Variants in HERC3 observed in about 807,000 individuals in gnomAD.
HERC3 encodes the protein probable E3 ubiquitin-protein ligase HERC3.
Under a neutral mutation model 129.9 loss-of-function variants are expected in HERC3, and 58 were observed. The ratio of observed to expected loss-of-function variants is 0.45; its 90% CI spans 0.36 to 0.56. HERC3 has a LOEUF of 0.56. Ranked by LOEUF, HERC3 falls within the 20% of genes least tolerant of loss-of-function variation. HERC3 has a pLI of 0.00. For synonymous variants in HERC3, 430 were observed against 451.0 expected, an observed-to-expected ratio of 0.95 and a Z score of 0.59; for missense variants, 835 against 1,244.2, an observed-to-expected ratio of 0.67 and a Z score of 4.95.
chr4:88,564,874 C>T, the HERC3 span, among the ~76,000 whole-genome samples: 1 of 151,660 alleles, frequency 6.6e-6, no homozygotes, highest in Non-Finnish European at 1.5e-5. Context: ...ATAAATTTTC[C>T]TCTTAGTACT....
At chr4:88,632,233 A>G (rs1416820852) in intron 3 of HERC3, among the ~76,000 whole-genome samples, 1 of 152,214 alleles carries the variant, frequency 6.6e-6, no homozygotes, top group African/African-American at 2.4e-5. Flanking sequence ...TGAGAGCTGA[A>G]CTAATAGATA....
rs1456801662 is a variant in HERC3, at chr4:88,698,611, C to G, written c.2658-5487C>G. Among the ~76,000 whole-genome samples, 13 of 103,928 alleles carry G rather than the reference C, an allele frequency of 1.3e-4. No individual in the cohort carries two copies. The Admixed American group carries it at 1.3e-3, about 11-fold the overall frequency. The allele number at this position is 103,928 out of a possible 152,430, so 68.2% of individuals were successfully genotyped here. On this transcript the variant is annotated intron_variant, in intron 23 of 25. Coordinates refer to ENST00000402738, the MANE Select transcript of HERC3 (RefSeq NM_014606.3). The stretch of plus-strand genomic sequence containing the variant: ...AGCATGGGGCCCAGGGCCAAGGCCC[C>G]CTCTTATCTTGGTTAAAGCATGTGC...
At chr4:88,664,298 G>A (rs1439405267) in intron 12 of HERC3, 86 bp downstream of exon 12, 5 of 1,122,686 alleles carry the variant, frequency 4.5e-6, no homozygotes, top group African/African-American at 3.1e-5. Flanking sequence ...GATTGCTTGA[G>A]TTTAGGAGTT....
upstream of HERC3, among the ~76,000 whole-genome samples, chr4:88,590,071 C>T (rs1021748441): frequency 1.3e-5 from 2 of 148,904 alleles, no homozygotes; most frequent in South Asian, 4.3e-4. Flanking sequence ...AGTTCTAAAC[C>T]GGCCTGGCCA....
intron 3 of HERC3, among the ~76,000 whole-genome samples, chr4:88,623,697 C>T (rs1487047537): frequency 2.0e-5 from 3 of 152,166 alleles, no homozygotes; most frequent in Non-Finnish European, 1.5e-5. Context: ...TGCAGAACCA[C>T]ATGTTATTTA....
intron 23 of HERC3, among the ~76,000 whole-genome samples, chr4:88,698,145 C>A (rs1190481361): frequency 6.6e-6 from 1 of 152,118 alleles, no homozygotes; most frequent in Non-Finnish European, 1.5e-5. Context: ...TGCTCCTCAC[C>A]CCCATCCAGG....
intron 3 of HERC3, among the ~76,000 whole-genome samples, chr4:88,636,970 A>T (rs1727482094): frequency 6.6e-6 from 1 of 152,086 alleles, no homozygotes; most frequent in Non-Finnish European, 1.5e-5. Flanking sequence ...TCTCTACTAA[A>T]ATACAAAAAT....
At chr4:88,547,498 C>G in the HERC3 span, among the ~76,000 whole-genome samples, 8 of 152,180 alleles carry the variant, frequency 5.3e-5, no homozygotes, top group African/African-American at 1.7e-4. Context: ...CTTATTAGCA[C>G]TTACTCCCTA....
intron 3 of HERC3, among the ~76,000 whole-genome samples, chr4:88,622,776 A>C (rs1037921664): frequency 1.3e-5 from 2 of 152,006 alleles, no homozygotes; most frequent in African/African-American, 4.8e-5. Context: ...TAAAAATACA[A>C]AAATTAGCTG....
At position 88,637,022 on chromosome 4, in the gene HERC3, G is replaced by A. The variant is rs955253888; in HGVS notation, c.227-12818G>A. On this transcript the variant is annotated intron_variant, in intron 3 of 25. Coordinates refer to ENST00000402738, the MANE Select transcript of HERC3 (RefSeq NM_014606.3). ...TGTGCGCCTGTAGTCCCAGCTACTC[G>A]GGAGGCTGAGGTAGGAGAATTGCTT... Among the ~76,000 whole-genome samples, 33 of 151,836 alleles carry A rather than the reference G, an allele frequency of 2.2e-4. 1 individual carries two copies. The highest frequency in any genetic ancestry group is 2.0e-3 in the Admixed American group (30 of 15,262).
intron 3 of HERC3, among the ~76,000 whole-genome samples, chr4:88,649,143 G>A (rs949520851): frequency 1.3e-5 from 2 of 152,090 alleles, no homozygotes; most frequent in African/African-American, 4.8e-5. Flanking sequence ...CTCACACATA[G>A]GGTGATCCTT....
At chr4:88,544,934 G>A in the HERC3 span, among the ~76,000 whole-genome samples, 1 of 152,240 alleles carries the variant, frequency 6.6e-6, no homozygotes, top group East Asian at 1.9e-4. Flanking sequence ...ATAGCATTAG[G>A]AGAAATACCT....
In HERC3 at chr4:88,684,461, T is replaced by C. The variant is rs538620550; in HGVS notation, c.2508-2275T>C. On this transcript the variant is annotated intron_variant, in intron 21 of 25. Coordinates refer to ENST00000402738, the MANE Select transcript of HERC3 (RefSeq NM_014606.3). ...CCCTTCCTTACACCTTATACAAAAATTAACTCAAGATGGATTAAAGACTTA... is the reference window on the plus strand; with the variant it reads ...CCCTTCCTTACACCTTATACAAAAACTAACTCAAGATGGATTAAAGACTTA... Among the ~76,000 whole-genome samples the C allele has an allele frequency of 5.9e-5, 9 of 152,192 alleles. No individual in the cohort carries two copies. The South Asian group carries it at 1.2e-3, about 21-fold the overall frequency.
chr4:88,605,682 T>C (rs1286299581), intron 2 of HERC3, 113 bp from the exon 3 acceptor site: 5 of 593,454 alleles, frequency 8.4e-6, no homozygotes, highest in Non-Finnish European at 1.5e-5. Context: ...TTGTAAGATA[T>C]CTGAAGAATA....
chr4:88,634,112 C>T (rs1560699320), intron 3 of HERC3, among the ~76,000 whole-genome samples: 1 of 151,238 alleles, frequency 6.6e-6, no homozygotes, highest in Non-Finnish European at 1.5e-5. Context: ...GGCGGCCCAC[C>T]TGAGAGCCAC....
chr4:88,621,081 T>C (rs1328718974), intron 3 of HERC3, among the ~76,000 whole-genome samples: 4 of 152,168 alleles, frequency 2.6e-5, no homozygotes, highest in Admixed American at 2.6e-4. Context: ...ACCTAGAACA[T>C]TGTGTGGCAC....
At position 88,687,113 on chromosome 4, in the gene HERC3, C is replaced by T. The variant is rs371135826; in HGVS notation, c.2575-104C>T. 17 of 806,876 alleles carry T rather than the reference C, an allele frequency of 2.1e-5. No homozygotes were observed. In the East Asian group the frequency reaches 3.0e-4, roughly 14 times the overall value. The allele number at this position is 806,876 out of a possible 1,614,324, so 50.0% of individuals were successfully genotyped here. A position where few individuals can be genotyped will look rare whatever the true frequency, so the allele number is the denominator to read the frequency against. ...TCTCCCACTAATTTTCTGTAATAGT[C>T]ATGAAACTACATTTGTTCCTAAAGC... On this transcript the variant is annotated intron_variant, in intron 22 of 25. Coordinates refer to ENST00000402738, the MANE Select transcript of HERC3 (RefSeq NM_014606.3).
At chr4:88,629,197 AC>A (rs1488441385) in intron 3 of HERC3, among the ~76,000 whole-genome samples, 1 of 152,244 alleles carries the variant, frequency 6.6e-6, no homozygotes. Context: ...ATTCCACATT[AC>A]AAAAGTAATA....
chr4:88,649,712 C>T (rs1578240630), intron 3 of HERC3, 128 bp from the exon 4 acceptor site: 1 of 721,756 alleles, frequency 1.4e-6, no homozygotes, highest in East Asian at 2.7e-5. Flanking sequence ...TTTATAATCT[C>T]TATAAATATT....
Sources: allele counts gnomAD v4.1 joint callset (sites outside exome capture counted in the v4.1 genomes callset), GRCh38; gene constraint gnomAD v4.1.1; transcripts MANE v1.5; gene names NCBI Gene and HGNC (gene_info 2026-07-23, HGNC 2026-07-21).